The following NTM variants were observed in gnomAD, a reference collection of about 807,000 sequenced individuals.
NTM encodes the protein neurotrimin.
Under a neutral mutation model 42.1 loss-of-function variants are expected in NTM, and 13 were observed. The observed-to-expected ratio is 0.31, with a 90% CI of 0.20 to 0.49. The LOEUF is 0.49. NTM is among the 20% of genes least tolerant of loss of function. The probability of loss-of-function intolerance (pLI) is 0.99; values close to 1 mark genes in which losing one functional copy is unlikely to be tolerated. For missense variants in NTM, 373 were observed against 452.8 expected, an observed-to-expected ratio of 0.82 and a Z score of 1.60; for synonymous variants, 187 against 179.2, an observed-to-expected ratio of 1.04 and a Z score of -0.35.
chr11:131,859,913 T>A (rs2046454185), intron 1 of NTM, among the ~76,000 whole-genome samples: 1 of 152,132 alleles, frequency 6.6e-6, no homozygotes. Context: ...TTCTTATCAG[T>A]AAGGGCAGCT....
intron 1 of NTM, among the ~76,000 whole-genome samples, chr11:131,753,195 C>T (rs1477348368): frequency 1.3e-5 from 2 of 152,110 alleles, no homozygotes; most frequent in Admixed American, 1.3e-4. Flanking sequence ...AATGAGATAC[C>T]ATCTCACACC....
intron 1 of NTM, chr11:131,662,306 A>T (rs1014390180): frequency 1.3e-5 from 2 of 152,228 alleles, no homozygotes; most frequent in African/African-American, 4.8e-5. Context: ...ATCTTTTTTC[A>T]TGATGCCATG....
chr11:131,842,177 A>C (rs1592220151), intron 1 of NTM, among the ~76,000 whole-genome samples: 1 of 152,172 alleles, frequency 6.6e-6, no homozygotes, highest in South Asian at 2.1e-4. Context: ...TTAGGGCAGA[A>C]GTTTCTGAGC....
At chr11:131,858,628 C>T (rs1372000451) in intron 1 of NTM, among the ~76,000 whole-genome samples, 2 of 152,142 alleles carry the variant, frequency 1.3e-5, no homozygotes, top group South Asian at 2.1e-4. Context: ...CAATAGCAGC[C>T]GCAGGTGCTT....
chr11:132,152,896 G>T (rs539828117), intron 3 of NTM, among the ~76,000 whole-genome samples: 1 of 152,296 alleles, frequency 6.6e-6, no homozygotes, highest in East Asian at 1.9e-4. Context: ...GCTGGGAAGG[G>T]GTCCTCATGT....
chr11:132,198,724 T>A (rs1010401985), intron 3 of NTM, among the ~76,000 whole-genome samples: 1 of 152,170 alleles, frequency 6.6e-6, no homozygotes, highest in African/African-American at 2.4e-5. Context: ...TCCATTCAGA[T>A]AGAGAGCAAT....
chr11:131,960,794 A>C (rs1165902370), intron 2 of NTM, among the ~76,000 whole-genome samples: 1 of 152,150 alleles, frequency 6.6e-6, no homozygotes, highest in Non-Finnish European at 1.5e-5. Flanking sequence ...GTACTCTGCA[A>C]AATTGGTCTG....
intron 2 of NTM, among the ~76,000 whole-genome samples, chr11:131,938,776 T>C (rs894850412): frequency 6.6e-6 from 1 of 152,070 alleles, no homozygotes; most frequent in African/African-American, 2.4e-5. Context: ...CGTGTACATA[T>C]ATTTTAAGGA....
chr11:131,688,926 T>C (rs548731325), intron 1 of NTM, among the ~76,000 whole-genome samples: 2 of 152,282 alleles, frequency 1.3e-5, no homozygotes, highest in South Asian at 2.1e-4. Flanking sequence ...ATTGTAGAGG[T>C]GTTTCCTTAG....
rs1160940683 is a variant in NTM at position 132,104,977 on chromosome 11, A to G, written c.168-41305A>G. Among the ~76,000 whole-genome samples, 38 of 117,846 alleles carry G rather than the reference A, an allele frequency of 3.2e-4. 1 individual carries two copies. The highest frequency in any genetic ancestry group is 6.8e-4 in the African/African-American group (20 of 29,516). 77.3% of individuals were successfully genotyped at this position (117,846 alleles called of 152,430 possible). On this transcript the variant is annotated intron_variant, in intron 2 of 8. Transcript: ENST00000683400. ...TATATATATATATATATATATATAT[A>G]TATATATATATATATTTCATGGGAA...
At chr11:131,591,811 C>T (rs1432337208) in intron 1 of NTM, among the ~76,000 whole-genome samples, 1 of 152,212 alleles carries the variant, frequency 6.6e-6, no homozygotes, top group African/African-American at 2.4e-5. Flanking sequence ...GGGGGCAGTT[C>T]ATTCACAGCT....
intron 1 of NTM, among the ~76,000 whole-genome samples, chr11:131,602,765 A>AT (rs2060602858): frequency 6.6e-6 from 1 of 152,104 alleles, no homozygotes. Flanking sequence ...TTTTTATGTG[A>AT]TGCTATATAT....
chr11:132,261,327 C>T (rs564556297), intron 4 of NTM, among the ~76,000 whole-genome samples: 19 of 152,122 alleles, frequency 1.2e-4, no homozygotes, highest in Non-Finnish European at 2.5e-4. Flanking sequence ...GCCCACCCCA[C>T]GGTGGATGGA....
chr11:131,571,628 A>G (rs2137090513), intron 1 of NTM, among the ~76,000 whole-genome samples: 1 of 152,314 alleles, frequency 6.6e-6, no homozygotes, highest in Non-Finnish European at 1.5e-5. Flanking sequence ...AAGAATGCTG[A>G]GCTGGAAAAA....
intron 1 of NTM, among the ~76,000 whole-genome samples, chr11:131,903,796 G>A (rs891750281): frequency 7.2e-5 from 11 of 152,174 alleles, no homozygotes; most frequent in Admixed American, 2.6e-4. Flanking sequence ...GCAGACTTAG[G>A]GCTGGAATTC....
At chr11:131,658,238 T>G (rs2067460630) in intron 1 of NTM, among the ~76,000 whole-genome samples, 1 of 152,188 alleles carries the variant, frequency 6.6e-6, no homozygotes, top group Admixed American at 6.5e-5. Flanking sequence ...AATAAGAAAT[T>G]ATTCTGGGAC....
chr11:131,887,491 T>C (rs1031662406), intron 1 of NTM, among the ~76,000 whole-genome samples: 1 of 152,234 alleles, frequency 6.6e-6, no homozygotes, highest in Non-Finnish European at 1.5e-5. Flanking sequence ...CAGGCCAAGA[T>C]GCCTTAAACC....
At chr11:132,186,109 T>A (rs1046441681) in intron 3 of NTM, among the ~76,000 whole-genome samples, 2 of 152,148 alleles carry the variant, frequency 1.3e-5, no homozygotes, top group African/African-American at 4.8e-5. Flanking sequence ...CCCACTTGAT[T>A]CCAAGTTTGC....
chr11:132,023,757 TTGTTGGTGG>T (rs1394701693), intron 2 of NTM, among the ~76,000 whole-genome samples: 21 of 151,496 alleles, frequency 1.4e-4, no homozygotes, highest in South Asian at 2.1e-4. Flanking sequence ...GGTGGTTTTG[TTGTTGGTGG>T]TGGTTTTGTT....
Sources: allele counts gnomAD v4.1 joint callset (sites outside exome capture counted in the v4.1 genomes callset), GRCh38; gene constraint gnomAD v4.1.1; transcripts MANE v1.5; gene names NCBI Gene and HGNC (gene_info 2026-07-23, HGNC 2026-07-21).